BRI3BP: variants seen among roughly 807,000 people sequenced by gnomAD.
BRI3BP encodes the protein BRI3-binding protein.
Under a neutral mutation model 15.8 loss-of-function variants are expected in BRI3BP, and 7 were observed. The observed-to-expected ratio is 0.44, with a 90% CI of 0.25 to 0.83. The LOEUF is 0.83. Among genes scored for constraint, BRI3BP ranks in the 40% least tolerant of loss-of-function variants. BRI3BP has a pLI of 0.20. For missense variants in BRI3BP, 320 were observed against 339.3 expected, an observed-to-expected ratio of 0.94 and a Z score of 0.45; for synonymous variants, 192 against 163.5, an observed-to-expected ratio of 1.17 and a Z score of -1.33.
downstream of BRI3BP, among the ~76,000 whole-genome samples, chr12:125,033,741 T>G (rs555275646): frequency 2.2e-5 from 3 of 135,228 alleles, no homozygotes; most frequent in Non-Finnish European, 3.2e-5. Context: ...TTTTTCTGGT[T>G]TTTTTTTGTT....
intron 1 of BRI3BP, among the ~76,000 whole-genome samples, chr12:125,008,563 C>T (rs1019672762): frequency 1.3e-5 from 2 of 151,980 alleles, no homozygotes; most frequent in Non-Finnish European, 2.9e-5. Context: ...CCGCCCGCCT[C>T]GGCCTCCCAA....
chr12:125,018,617 A>G (rs1343422908), intron 2 of BRI3BP, among the ~76,000 whole-genome samples: 1 of 151,720 alleles, frequency 6.6e-6, no homozygotes, highest in East Asian at 1.9e-4. Flanking sequence ...CCCTGCTGAC[A>G]CGCTGTTCAC....
At chr12:125,022,541 A>ATTTATTTATTTTTTTTTTTTTT in intron 2 of BRI3BP, among the ~76,000 whole-genome samples, 6 of 139,402 alleles carry the variant, frequency 4.3e-5, no homozygotes, top group African/African-American at 1.7e-4. Flanking sequence ...TTATTTATTT[A>ATTTATTTATTTTTTTTTTTTTT]TTTTTTGAGA....
the BRI3BP span, among the ~76,000 whole-genome samples, chr12:125,041,894 A>G: frequency 2.0e-5 from 3 of 152,126 alleles, no homozygotes; most frequent in African/African-American, 7.2e-5. Flanking sequence ...GGGTCTCACT[A>G]TGTCGCCTAG....
chr12:125,008,524 G>A (rs899064330), intron 1 of BRI3BP, among the ~76,000 whole-genome samples: 1 of 151,764 alleles, frequency 6.6e-6, no homozygotes, highest in Non-Finnish European at 1.5e-5. Context: ...GTGTTAGCCA[G>A]GATGGTCTAG....
chr12:125,045,578 C>T, the BRI3BP span, among the ~76,000 whole-genome samples: 15 of 152,140 alleles, frequency 9.9e-5, no homozygotes, highest in Admixed American at 2.6e-4. Flanking sequence ...GCGATCTGCC[C>T]GCCTAGGTCT....
intron 1 of BRI3BP, among the ~76,000 whole-genome samples, chr12:124,997,541 A>G (rs1401869506): frequency 1.3e-5 from 2 of 151,952 alleles, no homozygotes; most frequent in Admixed American, 6.6e-5. Context: ...TCTGTGTCCC[A>G]TTTGTTCAGA....
At position 125,025,134 on chromosome 12, in the gene BRI3BP, T is replaced by C; in HGVS notation, c.460T>C (p.Phe154Leu). The C allele has an allele frequency of 6.2e-7, 1 of 1,614,128 alleles. No individual in the cohort carries two copies. Among genetic ancestry groups the C allele is most frequent in the African/African-American group, 1.3e-5 (1 of 75,060 alleles). ...CACTTTCAGCGTCCTGCACGTGGTG[T>C]TCGGCCGCTTCTTCTGGATCGTGCG... ...GFTFSVLHVV[F>L]GRFFWIVRVV... is the part of the protein sequence containing the mutation. Residue 154 changes from phenylalanine (F) to leucine (L), a missense_variant, in exon 3 of 3, where the codon TTC becomes CTC. By Grantham distance (22) the Phe-to-Leu change is conservative (BLOSUM62 0). Coordinates refer to ENST00000341446, the MANE Select transcript of BRI3BP (RefSeq NM_080626.6).
At chr12:125,018,200 G>A (rs954687893) in intron 2 of BRI3BP, among the ~76,000 whole-genome samples, 1 of 152,196 alleles carries the variant, frequency 6.6e-6, no homozygotes, top group South Asian at 2.1e-4. Context: ...GTGTGCAGGT[G>A]TAAACCCGAC....
intron 2 of BRI3BP, among the ~76,000 whole-genome samples, chr12:125,019,180 G>A (rs60155764): frequency 6.6e-4 from 101 of 152,130 alleles, no homozygotes; most frequent in African/African-American, 2.4e-3. Flanking sequence ...TTAGCTACTT[G>A]GCCATGGCAG....
downstream of BRI3BP, chr12:125,031,265 C>A (rs968628472): frequency 6.6e-6 from 1 of 152,038 alleles, no homozygotes; most frequent in Non-Finnish European, 1.5e-5. Context: ...TGATGTGTAA[C>A]CAGGATTCTA....
rs957533600 is a variant in BRI3BP, at chr12:125,027,483, A to G, written c.*2053A>G. 1 of 152,088 alleles carries G rather than the reference A, an allele frequency of 6.6e-6. No individual in the cohort carries two copies. The highest frequency in any genetic ancestry group is 2.4e-5 in the African/African-American group (1 of 41,424). The allele number at this position is 152,088 out of a possible 1,614,324, so 9.4% of individuals were successfully genotyped here. A position where few individuals can be genotyped will look rare whatever the true frequency, so the allele number is the denominator to read the frequency against. ...TCAGGAGTTTGAGACCAGCCCGGCC[A>G]ACAGAGTGAAACCCCGTCTCTACTA... On this transcript the variant is annotated 3_prime_UTR_variant, in exon 3 of 3. Transcript: ENST00000341446.
chr12:125,035,394 CT>C (rs55943185), downstream of BRI3BP, among the ~76,000 whole-genome samples: 88,250 of 131,868 alleles, frequency 0.67, 29,601 homozygotes, highest in South Asian at 0.81. Context: ...TAGGTATTGT[CT>C]TTTTTTTTTT....
chr12:125,039,739 T>G, the BRI3BP span, among the ~76,000 whole-genome samples: 1 of 152,202 alleles, frequency 6.6e-6, no homozygotes, highest in African/African-American at 2.4e-5. Flanking sequence ...CTCATTCATT[T>G]GCAAAGGTGT....
chr12:125,036,408 T>C, the BRI3BP span, among the ~76,000 whole-genome samples: 1 of 151,724 alleles, frequency 6.6e-6, no homozygotes, highest in Admixed American at 6.6e-5. Context: ...TTTTTTTTAG[T>C]AGAGACAGGG....
the BRI3BP span, among the ~76,000 whole-genome samples, chr12:125,044,542 T>C: frequency 1.3e-5 from 2 of 151,316 alleles, no homozygotes; most frequent in Non-Finnish European, 2.9e-5. Context: ...CTCTGCCTCC[T>C]GGGTTCAAGC....
At chr12:125,048,417 A>G in the BRI3BP span, among the ~76,000 whole-genome samples, 2 of 152,180 alleles carry the variant, frequency 1.3e-5, no homozygotes, top group Non-Finnish European at 2.9e-5. Flanking sequence ...ATAGTTACTC[A>G]TATCCATTTT....
chr12:125,037,718 A>C, the BRI3BP span, among the ~76,000 whole-genome samples: 2 of 151,620 alleles, frequency 1.3e-5, no homozygotes, highest in Non-Finnish European at 2.9e-5. Context: ...AGGCTGAGGC[A>C]GAAGAATCGC....
At chr12:124,997,302 G>A (rs1025240440) in intron 1 of BRI3BP, among the ~76,000 whole-genome samples, 3 of 132,320 alleles carry the variant, frequency 2.3e-5, no homozygotes, top group Admixed American at 9.1e-5. Flanking sequence ...TGCAACCTCC[G>A]CCTCCCGGAT....
Sources: gnomAD v4.1 joint callset for allele counts (sites outside exome capture counted in the v4.1 genomes callset) on GRCh38, gnomAD v4.1.1 for gene constraint, MANE v1.5 for transcripts, NCBI Gene and HGNC (gene_info 2026-07-23, HGNC 2026-07-21) for gene names.